The following LUZP2 variants were observed in gnomAD, a reference collection of about 807,000 sequenced individuals.
The protein encoded by LUZP2 is leucine zipper protein 2.
In LUZP2, 52 loss-of-function variants were observed where a neutral mutation model predicts 51.6. The ratio of observed to expected loss-of-function variants is 1.01; its 90% CI spans 0.81 to 1.27. The LOEUF is 1.27. Ranked by LOEUF, LUZP2 falls within the 50% of genes most tolerant of loss-of-function variation. The pLI, the probability that LUZP2 is intolerant of heterozygous loss-of-function variation, is 0.00. For missense variants in LUZP2, 436 were observed against 395.4 expected, an observed-to-expected ratio of 1.10 and a Z score of -0.87; for synonymous variants, 154 against 137.3, an observed-to-expected ratio of 1.12 and a Z score of -0.85.
chr11:24,737,039 A>C (rs1450235879), intron 3 of LUZP2, among the ~76,000 whole-genome samples: 4 of 152,086 alleles, frequency 2.6e-5, no homozygotes, highest in Non-Finnish European at 5.9e-5. Context: ...TGGCAGCCCC[A>C]TTAAGTCCTG....
chr11:24,650,880 T>G (rs1480141703), intron 1 of LUZP2, among the ~76,000 whole-genome samples: 1 of 152,086 alleles, frequency 6.6e-6, no homozygotes, highest in African/African-American at 2.4e-5. Context: ...TACATTACCT[T>G]AGGCAGATTT....
chr11:24,718,781 T>C (rs1207177734), intron 1 of LUZP2, among the ~76,000 whole-genome samples: 1 of 152,172 alleles, frequency 6.6e-6, no homozygotes, highest in Non-Finnish European at 1.5e-5. Context: ...GAGACTGACT[T>C]GATGTATTTG....
chr11:24,530,047 A>G (rs1850945202), intron 1 of LUZP2, among the ~76,000 whole-genome samples: 1 of 150,966 alleles, frequency 6.6e-6, no homozygotes, highest in African/African-American at 2.4e-5. Flanking sequence ...GAAATGTCCT[A>G]TAAAACTTGG....
At chr11:24,781,310 C>G (rs904742138) in intron 5 of LUZP2, among the ~76,000 whole-genome samples, 3 of 151,944 alleles carry the variant, frequency 2.0e-5, no homozygotes, top group Non-Finnish European at 4.4e-5. Context: ...TTTTCCTCCT[C>G]CTCTCTTCTA....
intron 9 of LUZP2, among the ~76,000 whole-genome samples, chr11:25,020,544 T>G (rs1206762187): frequency 6.6e-6 from 1 of 152,092 alleles, no homozygotes; most frequent in Admixed American, 6.6e-5. Context: ...GTTTCACTAG[T>G]CACATCTTTC....
Position 24,906,008 on chromosome 11 carries a change from C to T in LUZP2, c.414C>T (p.Asn138=). The stretch of plus-strand genomic sequence containing the variant: ...TTCCTCAGAATAAAAGCTTGAAAAA[C>T]AAACTCTTGTCAGGAAACAAGCTCT... ...DLQNENKSLK[N]KLLSGNKLCG... Residue 138 remains asparagine, a synonymous_variant, in exon 6 of 12, where the codon AAC becomes AAT. Transcript: ENST00000336930. 6.2e-7 allele frequency: 1 copy of T among 1,612,816 alleles called. No individual in the cohort carries two copies. Among genetic ancestry groups the T allele is most frequent in the Non-Finnish European group, 8.5e-7 (1 of 1,179,284 alleles).
At chr11:24,971,848 C>G (rs144492075) in intron 7 of LUZP2, among the ~76,000 whole-genome samples, 5 of 152,060 alleles carry the variant, frequency 3.3e-5, no homozygotes, top group Admixed American at 2.0e-4. Flanking sequence ...ATCATTAAAA[C>G]CCTGGGCATG....
At chr11:24,619,274 TCCTC>T (rs1242241790) in intron 1 of LUZP2, among the ~76,000 whole-genome samples, 1 of 152,126 alleles carries the variant, frequency 6.6e-6, no homozygotes, top group East Asian at 1.9e-4. Context: ...CTTCACGCAA[TCCTC>T]CTGCCTCAGC....
At chr11:24,667,246 C>A (rs193014756) in intron 1 of LUZP2, among the ~76,000 whole-genome samples, 4 of 148,026 alleles carry the variant, frequency 2.7e-5, no homozygotes, top group East Asian at 4.0e-4. Context: ...TGCAGTGGCA[C>A]GATCTCGGAT....
chr11:24,607,699 G>A (rs1853975797), intron 1 of LUZP2, among the ~76,000 whole-genome samples: 3 of 151,174 alleles, frequency 2.0e-5, no homozygotes, highest in African/African-American at 4.9e-5. Context: ...GATAAGGATC[G>A]CATTGGATCT....
At chr11:24,545,631 T>C (rs564933923) in intron 1 of LUZP2, among the ~76,000 whole-genome samples, 7 of 151,374 alleles carry the variant, frequency 4.6e-5, no homozygotes, top group Non-Finnish European at 1.0e-4. Context: ...CTCTATTCTG[T>C]TCCATTGGTC....
chr11:24,806,764 T>C (rs752039076), intron 5 of LUZP2, among the ~76,000 whole-genome samples: 2 of 152,042 alleles, frequency 1.3e-5, no homozygotes, highest in African/African-American at 2.4e-5. Context: ...AACAAGACTT[T>C]GGAACACAGA....
chr11:24,671,303 A>C (rs1856395404), intron 1 of LUZP2, among the ~76,000 whole-genome samples: 1 of 151,752 alleles, frequency 6.6e-6, no homozygotes, highest in Non-Finnish European at 1.5e-5. Context: ...ATTTTATCTG[A>C]AGTTTTTCTC....
intron 5 of LUZP2, chr11:24,892,164 G>A (rs1852875431): frequency 1.0e-6 from 1 of 985,470 alleles, no homozygotes; most frequent in Admixed American, 6.2e-5. Flanking sequence ...AAGAATCTCT[G>A]TATCTTTCTC....
intron 9 of LUZP2, among the ~76,000 whole-genome samples, chr11:24,997,974 T>G (rs1292256151): frequency 2.0e-5 from 3 of 152,184 alleles, no homozygotes; most frequent in Non-Finnish European, 4.4e-5. Flanking sequence ...GTTCCATTGA[T>G]CTGTATCTCT....
At chr11:24,691,225 T>C (rs1857055859) in intron 1 of LUZP2, among the ~76,000 whole-genome samples, 1 of 151,956 alleles carries the variant, frequency 6.6e-6, no homozygotes, top group African/African-American at 2.4e-5. Context: ...TATCTGGAAA[T>C]CTCAGTCAAA....
intron 7 of LUZP2, among the ~76,000 whole-genome samples, chr11:24,962,422 T>G (rs1019707195): frequency 6.6e-6 from 1 of 152,168 alleles, no homozygotes; most frequent in Non-Finnish European, 1.5e-5. Context: ...TAGATTTGGT[T>G]TTTTCACATA....
At chr11:24,845,551 A>G (rs908184262) in intron 5 of LUZP2, among the ~76,000 whole-genome samples, 2 of 152,082 alleles carry the variant, frequency 1.3e-5, no homozygotes, top group Non-Finnish European at 2.9e-5. Context: ...AGGCAGAATG[A>G]TACGGTTTGG....
chr11:24,518,985 A>C (rs1331019146), intron 1 of LUZP2, among the ~76,000 whole-genome samples: 2 of 152,194 alleles, frequency 1.3e-5, no homozygotes, highest in Admixed American at 1.3e-4. Context: ...AGGTGACGTG[A>C]ACAAGGACAG....
Sources: gnomAD v4.1 joint callset for allele counts (sites outside exome capture counted in the v4.1 genomes callset) on GRCh38, gnomAD v4.1.1 for gene constraint, MANE v1.5 for transcripts, NCBI Gene and HGNC (gene_info 2026-07-23, HGNC 2026-07-21) for gene names.